The following TMEM132C variants were observed in gnomAD, a reference collection of about 807,000 sequenced individuals.
The protein encoded by TMEM132C is protein phosphatase 1, regulatory subunit 152.
In TMEM132C, 29 loss-of-function variants were observed where a neutral mutation model predicts 61.4. The observed-to-expected ratio is 0.47, with a 90% CI of 0.35 to 0.64. TMEM132C has a LOEUF of 0.64. Ranked by LOEUF, TMEM132C falls within the 30% of genes least tolerant of loss-of-function variation. The probability of loss-of-function intolerance (pLI) is 0.00; values close to 1 mark genes in which losing one functional copy is unlikely to be tolerated. For missense variants in TMEM132C, 1,408 were observed against 1,476.9 expected (o/e 0.95, Z 0.76); for synonymous variants, 656 against 633.1 (o/e 1.04, Z -0.54).
At chr12:128,560,101 G>C (rs1407014362) in intron 3 of TMEM132C, among the ~76,000 whole-genome samples, 1 of 152,168 alleles carries the variant, frequency 6.6e-6, no homozygotes, top group Non-Finnish European at 1.5e-5. Flanking sequence ...ACAAAAGTTA[G>C]CCAGGCATGG....
intron 3 of TMEM132C, 38 bp from the exon 4 acceptor site, chr12:128,616,113 CA>C (rs1565992488): frequency 6.5e-7 from 1 of 1,541,170 alleles, no homozygotes; most frequent in Admixed American, 2.0e-5. Flanking sequence ...GTCCTTTGAA[CA>C]AAGTTGGCTT....
intron 3 of TMEM132C, among the ~76,000 whole-genome samples, chr12:128,589,388 C>T (rs937801742): frequency 7.2e-5 from 11 of 152,112 alleles, no homozygotes; most frequent in East Asian, 1.9e-4. Context: ...TGGCTCCCAC[C>T]GTCCCTCTCA....
chr12:128,362,962 G>C (rs185892286), intron 1 of TMEM132C, among the ~76,000 whole-genome samples: 6 of 152,142 alleles, frequency 3.9e-5, no homozygotes, highest in Admixed American at 3.3e-4. Flanking sequence ...AAAATAAAAA[G>C]AGCATGAATT....
chr12:128,612,660 C>T (rs1001218874), intron 3 of TMEM132C, among the ~76,000 whole-genome samples: 1 of 152,220 alleles, frequency 6.6e-6, no homozygotes, highest in African/African-American at 2.4e-5. Context: ...CTGCGTGGAA[C>T]CTGGTCCAGT....
intron 2 of TMEM132C, among the ~76,000 whole-genome samples, chr12:128,483,050 A>T (rs1451530860): frequency 2.0e-5 from 3 of 151,658 alleles, no homozygotes; most frequent in Non-Finnish European, 2.9e-5. Flanking sequence ...ACTGGGCAGG[A>T]GTTGGAGACC....
rs113934311 is a variant in TMEM132C at position 128,600,198 on chromosome 12, G to C, written c.1122-15954G>C. Among the ~76,000 whole-genome samples, 876 of 152,210 alleles carry C rather than the reference G, an allele frequency of 5.8e-3. 4 individuals are homozygous for C. The highest frequency in any genetic ancestry group is 0.021 in the Middle Eastern group (6 of 292). On this transcript the variant is annotated intron_variant, in intron 3 of 8. Transcript: ENST00000435159. ...GAGGTTTCACCGTGTTAGCCAGGAT[G>C]GTCTAGATCTCCTGACCTTGTGATC... is the stretch of plus-strand genomic sequence containing the variant.
At chr12:128,560,038 A>G (rs1304270545) in intron 3 of TMEM132C, among the ~76,000 whole-genome samples, 1 of 152,314 alleles carries the variant, frequency 6.6e-6, no homozygotes, top group East Asian at 1.9e-4. Context: ...GCTTGAGCCC[A>G]GGAGTTTGAG....
At chr12:128,323,935 A>G (rs550629376) in intron 1 of TMEM132C, among the ~76,000 whole-genome samples, 1 of 152,358 alleles carries the variant, frequency 6.6e-6, no homozygotes, top group South Asian at 2.1e-4. Flanking sequence ...AGGGAAGTCC[A>G]GAAGACAGCC....
chr12:128,612,822 T>C (rs180962111), intron 3 of TMEM132C, among the ~76,000 whole-genome samples: 16 of 152,350 alleles, frequency 1.1e-4, no homozygotes, highest in Admixed American at 6.5e-4. Flanking sequence ...CCCCTTCTCT[T>C]TTCCCTTGTC....
intron 1 of TMEM132C, among the ~76,000 whole-genome samples, chr12:128,406,384 C>G (rs540952587): frequency 1.3e-5 from 2 of 152,330 alleles, no homozygotes; most frequent in Admixed American, 1.3e-4. Context: ...GATAAACACA[C>G]TATCCTTTTT....
At chr12:128,420,054 G>A (rs1868935085) in intron 2 of TMEM132C, among the ~76,000 whole-genome samples, 1 of 152,058 alleles carries the variant, frequency 6.6e-6, no homozygotes, top group African/African-American at 2.4e-5. Flanking sequence ...AAAATAGCTG[G>A]GCATGATGGC....
chr12:128,420,203 T>C (rs1053816415), intron 2 of TMEM132C, among the ~76,000 whole-genome samples: 1 of 151,704 alleles, frequency 6.6e-6, no homozygotes, highest in African/African-American at 2.4e-5. Flanking sequence ...TCTCAAAAAA[T>C]GAAATAATAT....
intron 1 of TMEM132C, among the ~76,000 whole-genome samples, chr12:128,338,981 CT>C (rs1565905423): frequency 6.6e-6 from 1 of 152,040 alleles, no homozygotes; most frequent in African/African-American, 2.4e-5. Flanking sequence ...GAGGACTTAA[CT>C]TAAGCATTTA....
chr12:128,573,575 C>T (rs1371857743), intron 3 of TMEM132C, among the ~76,000 whole-genome samples: 2 of 151,296 alleles, frequency 1.3e-5, no homozygotes, highest in Non-Finnish European at 2.9e-5. Context: ...ATGTTGTGCA[C>T]ATGTACCCTA....
chr12:128,572,168 T>G (rs922073744), intron 3 of TMEM132C, among the ~76,000 whole-genome samples: 1 of 151,934 alleles, frequency 6.6e-6, no homozygotes, highest in Admixed American at 6.6e-5. Context: ...TGATCTCTGA[T>G]TAGCCAGGCC....
rs1247819529 is a variant in TMEM132C, at chr12:128,705,724, G to A, written c.2756G>A (p.Gly919Asp). Residue 919 changes from glycine (G) to aspartate (D), a missense_variant, in exon 9 of 9, where the codon GGC becomes GAC. Gly to Asp is a moderately conservative substitution (Grantham distance 94). Transcript: ENST00000435159. ...EENDLVQTPR[G>D]LSDLEIGMYA... ...AACGACCTGGTGCAGACTCCGCGGGGCCTGAGTGATCTGGAGATAGGGATG... is the reference window on the plus strand; with the variant it reads ...AACGACCTGGTGCAGACTCCGCGGGACCTGAGTGATCTGGAGATAGGGATG... 1.3e-6 allele frequency: 2 copies of A among 1,551,506 alleles called. No individual in the cohort carries two copies. Among genetic ancestry groups the A allele is most frequent in the African/African-American group, 1.4e-5 (1 of 73,180 alleles).
chr12:128,527,331 T>C (rs1873120556), intron 2 of TMEM132C, among the ~76,000 whole-genome samples: 1 of 152,164 alleles, frequency 6.6e-6, no homozygotes, highest in Non-Finnish European at 1.5e-5. Context: ...AGCTGTTTTT[T>C]TACGAAGGAG....
At chr12:128,674,516 G>A (rs898720370) in intron 5 of TMEM132C, among the ~76,000 whole-genome samples, 3 of 152,104 alleles carry the variant, frequency 2.0e-5, no homozygotes, top group Non-Finnish European at 4.4e-5. Context: ...TACATTTAAT[G>A]TTTGAGAAAC....
At chr12:128,413,297 T>TAAAAA (rs1868629941) in intron 1 of TMEM132C, among the ~76,000 whole-genome samples, 2 of 2,056 alleles carry the variant, frequency 9.7e-4, no homozygotes, top group Non-Finnish European at 3.1e-3. Context: ...AGACTCTGTC[T>TAAAAA]CAAAAAAAAA....
Sources: allele counts gnomAD v4.1 joint callset (sites outside exome capture counted in the v4.1 genomes callset), GRCh38; gene constraint gnomAD v4.1.1; transcripts MANE v1.5; gene names NCBI Gene and HGNC (gene_info 2026-07-23, HGNC 2026-07-21).